BRDT: variants seen among roughly 807,000 people sequenced by gnomAD.
BRDT encodes bromodomain testis associated.
A neutral mutation model predicts 113.9 loss-of-function variants in BRDT; 77 were observed. That is an observed-to-expected ratio of 0.68 (90% CI 0.56 to 0.82). The LOEUF (loss-of-function observed/expected upper bound fraction) is 0.82. BRDT is among the 40% of genes least tolerant of loss of function. The pLI is 0.00. For missense variants in BRDT, 1,027 were observed against 1,105.4 expected, an observed-to-expected ratio of 0.93 and a Z score of 1.01; for synonymous variants, 358 against 366.5, an observed-to-expected ratio of 0.98 and a Z score of 0.26.
rs775850061 is a variant in BRDT at position 91,981,209 on chromosome 1, GT to G, written c.1750+34del. 71 of 1,607,700 alleles carry G rather than the reference GT, an allele frequency of 4.4e-5. No individual in the cohort carries two copies. The African/African-American group carries it at 9.5e-4, about 22-fold the overall frequency. On this transcript the variant is annotated intron_variant, in intron 10 of 18. Coordinates refer to ENST00000399546, the MANE Select transcript of BRDT (RefSeq NM_207189.4). ...TATTTCTGCATATTAATAGAAATCG[GT>G]TTGGTATTTATGTTGGTTTTTGGTT...
chr1:91,955,879 T>A (rs1454617341), intron 1 of BRDT, among the ~76,000 whole-genome samples: 1 of 152,210 alleles, frequency 6.6e-6, no homozygotes, highest in Non-Finnish European at 1.5e-5. Context: ...TCAGAATTAT[T>A]TGTTAATGTT....
At chr1:91,984,157 G>GA (rs997834139) in intron 12 of BRDT, among the ~76,000 whole-genome samples, 4 of 152,060 alleles carry the variant, frequency 2.6e-5, no homozygotes, top group Non-Finnish European at 4.4e-5. Flanking sequence ...AGACAAATGG[G>GA]AAAAAATTAT....
In BRDT at chr1:91,976,368, A is replaced by G. The variant is rs1570514639; in HGVS notation, c.548A>G (p.Lys183Arg). Residue 183 changes from lysine (K) to arginine (R), a missense_variant, in exon 5 of 19, where the codon AAG (lysine) becomes AGG (arginine). Coordinates refer to ENST00000399546, the MANE Select transcript of BRDT (RefSeq NM_207189.4). ...KQQEIPSVFPKTSISPLNVVQ... is the reference protein window; with the variant it reads ...KQQEIPSVFPRTSISPLNVVQ... ...CAAGAAATTCCTTCTGTATTTCCTAAGACATCTATTTCTCCCTTGAACGTG... is the reference window on the plus strand; with the variant it reads ...CAAGAAATTCCTTCTGTATTTCCTAGGACATCTATTTCTCCCTTGAACGTG... The G allele has an allele frequency of 6.2e-7, 1 of 1,612,704 alleles. No homozygotes were observed. The highest frequency in any genetic ancestry group is 2.2e-5 in the East Asian group (1 of 44,768).
intron 4 of BRDT, among the ~76,000 whole-genome samples, chr1:91,972,595 C>T (rs897502475): frequency 6.6e-6 from 1 of 152,178 alleles, no homozygotes; most frequent in African/African-American, 2.4e-5. Flanking sequence ...TCTCATGTAA[C>T]AAGTACTGCA....
intron 1 of BRDT, among the ~76,000 whole-genome samples, chr1:91,961,756 C>T (rs547488529): frequency 2.0e-5 from 3 of 152,266 alleles, no homozygotes; most frequent in East Asian, 3.9e-4. Context: ...ATATCTTTAA[C>T]ATTCTCTGTT....
At chr1:92,002,225 T>A in intron 16 of BRDT, 76 bp downstream of exon 16, 2 of 1,020,764 alleles carry the variant, frequency 2.0e-6, no homozygotes, top group Non-Finnish European at 1.5e-6. Context: ...AAGAGGTATT[T>A]AAAAGCCCTG....
intron 1 of BRDT, among the ~76,000 whole-genome samples, chr1:91,958,370 C>T (rs1409617780): frequency 2.0e-5 from 3 of 151,952 alleles, no homozygotes; most frequent in Non-Finnish European, 4.4e-5. Context: ...CGTTCACTGC[C>T]ATGCCCGGCT....
At position 91,965,923 on chromosome 1, in the gene BRDT, C is replaced by G. The variant is rs1683023154; in HGVS notation, c.330+1159C>G. Reference sequence around the variant, plus strand: ...TTGCCTTTCCCTGTCTCTTGTTTCTCTGTCTAAAAAAGAGATCAGATATGC... The same window carrying G: ...TTGCCTTTCCCTGTCTCTTGTTTCTGTGTCTAAAAAAGAGATCAGATATGC... On this transcript the variant is annotated intron_variant, in intron 3 of 18. Transcript: ENST00000399546. Among the ~76,000 whole-genome samples, 3 of 152,032 alleles carry G rather than the reference C, an allele frequency of 2.0e-5. No homozygotes were observed. The South Asian group carries it at 6.2e-4, about 31-fold the overall frequency.
chr1:92,005,776 A>C (rs1479079036), intron 18 of BRDT, among the ~76,000 whole-genome samples: 1 of 152,202 alleles, frequency 6.6e-6, no homozygotes, highest in East Asian at 1.9e-4. Flanking sequence ...AGCACATAGG[A>C]AAATGCCTAG....
rs1173136490 is a variant in BRDT at position 91,993,988 on chromosome 1, A to G, written c.2116-95A>G. 4.0e-6 allele frequency: 4 copies of G among 1,006,734 alleles called. No homozygotes were observed. The African/African-American group carries it at 6.7e-5, about 17-fold the overall frequency. The allele number at this position is 1,006,734 out of a possible 1,614,324, so 62.4% of individuals were successfully genotyped here. On this transcript the variant is annotated intron_variant, in intron 14 of 18. Transcript: ENST00000399546. Reference sequence around the variant, plus strand: ...TAATAAGGTATTTTAAAAAGGTAGCATTAAATTATATTCTTGACTCTTGTG... The same window carrying G: ...TAATAAGGTATTTTAAAAAGGTAGCGTTAAATTATATTCTTGACTCTTGTG...
chr1:91,957,276 G>A (rs1384602062), intron 1 of BRDT, among the ~76,000 whole-genome samples: 1 of 152,096 alleles, frequency 6.6e-6, no homozygotes, highest in African/African-American at 2.4e-5. Context: ...GGCGGATCAC[G>A]AGGTCAGGAG....
Position 91,968,186 on chromosome 1 carries a change from A to G in BRDT, c.371A>G (p.Lys124Arg). The G allele has an allele frequency of 6.2e-7, 1 of 1,614,060 alleles. No homozygotes were observed. Among genetic ancestry groups the G allele is most frequent in the South Asian group, 1.1e-5 (1 of 91,076 alleles). ...GTTCTTATGGCACAAGCTCTAGAGA[A>G]GCTGTTTATGCAGAAATTATCTCAG... ...DIVLMAQALE[K>R]LFMQKLSQMP... Residue 124 changes from lysine (K) to arginine (R), a missense_variant, in exon 4 of 19, where the codon AAG becomes AGG. By Grantham distance (26) the Lys-to-Arg change is conservative. Transcript: ENST00000399546.
At chr1:91,989,550 G>A (rs140526823) in intron 12 of BRDT, among the ~76,000 whole-genome samples, 405 of 151,968 alleles carry the variant, frequency 2.7e-3, no homozygotes, top group African/African-American at 9.5e-3. Flanking sequence ...TACTAGAGAT[G>A]GGGTTTCAAC....
At chr1:91,980,040 T>C (rs1248155445) in intron 8 of BRDT, among the ~76,000 whole-genome samples, 2 of 152,224 alleles carry the variant, frequency 1.3e-5, no homozygotes, top group Admixed American at 6.5e-5. Context: ...TGAGGTCTTA[T>C]TCAACATTAA....
chr1:91,949,988 T>C (rs1012271717), intron 1 of BRDT: 1 of 152,198 alleles, frequency 6.6e-6, no homozygotes, highest in Non-Finnish European at 1.5e-5. Flanking sequence ...AGCTGGCATT[T>C]TGTGTTTATT....
intron 12 of BRDT, among the ~76,000 whole-genome samples, chr1:91,989,196 T>C (rs1342946764): frequency 8.1e-6 from 1 of 122,940 alleles, no homozygotes; most frequent in Non-Finnish European, 1.7e-5. Flanking sequence ...AACACCAATC[T>C]GGTATGTCAT....
At chr1:91,971,086 G>A (rs1683588136) in intron 4 of BRDT, among the ~76,000 whole-genome samples, 1 of 152,048 alleles carries the variant, frequency 6.6e-6, no homozygotes, top group African/African-American at 2.4e-5. Context: ...AGAGGGAGCT[G>A]TTGTATCACA....
At chr1:92,012,145 C>T (rs772728329) in intron 18 of BRDT, among the ~76,000 whole-genome samples, 156 of 151,974 alleles carry the variant, frequency 1.0e-3, no homozygotes, top group Non-Finnish European at 1.6e-3. Context: ...ACTAAAAATA[C>T]AAAAATTAGC....
Position 92,014,351 on chromosome 1 carries a change from T to C in BRDT, c.*77T>C, listed in dbSNP as rs1051454039. On this transcript the variant is annotated 3_prime_UTR_variant, in exon 19 of 19. Transcript: ENST00000399546. Reference sequence around the variant, plus strand: ...AATGCATATGGTAAAATGATTGCTTTCAGATAACAAGATACCAATCTTATA... The same window carrying C: ...AATGCATATGGTAAAATGATTGCTTCCAGATAACAAGATACCAATCTTATA... The C allele has an allele frequency of 5.0e-6, 5 of 1,003,694 alleles. No individual in the cohort carries two copies. The highest frequency in any genetic ancestry group is 7.4e-6 in the Non-Finnish European group (5 of 678,010). The allele number at this position is 1,003,694 out of a possible 1,614,324, so 62.2% of individuals were successfully genotyped here.
Sources: allele counts gnomAD v4.1 joint callset (sites outside exome capture counted in the v4.1 genomes callset), GRCh38; gene constraint gnomAD v4.1.1; transcripts MANE v1.5; gene names NCBI Gene and HGNC (gene_info 2026-07-23, HGNC 2026-07-21).